Variants in SPATS2L observed in about 807,000 individuals in gnomAD.
The protein encoded by SPATS2L is SPATS2-like protein.
SPATS2L carries 30 observed loss-of-function variants against 59.6 expected under a neutral mutation model. The observed-to-expected ratio is 0.50, with a 90% CI of 0.38 to 0.68. The LOEUF (loss-of-function observed/expected upper bound fraction) is 0.68, where lower values mean the gene tolerates loss of function less well. Among genes scored for constraint, SPATS2L ranks in the 30% least tolerant of loss-of-function variants. The pLI is 0.00. For missense variants in SPATS2L, 615 were observed against 700.0 expected, an observed-to-expected ratio of 0.88 and a Z score of 1.37; for synonymous variants, 252 against 263.5, an observed-to-expected ratio of 0.96 and a Z score of 0.42.
At chr2:200,383,135 G>T (rs2081879411) in intron 2 of SPATS2L, among the ~76,000 whole-genome samples, 2 of 152,122 alleles carry the variant, frequency 1.3e-5, no homozygotes, top group African/African-American at 2.4e-5. Flanking sequence ...CAGAGTATTT[G>T]CATCTTTAAC....
chr2:200,441,723 C>G (rs995528755), intron 8 of SPATS2L, among the ~76,000 whole-genome samples: 3 of 152,132 alleles, frequency 2.0e-5, no homozygotes, highest in Non-Finnish European at 4.4e-5. Flanking sequence ...CTCTGATGAT[C>G]TGAGAGAGGG....
At chr2:200,448,046 G>A (rs2085169126) in intron 8 of SPATS2L, among the ~76,000 whole-genome samples, 1 of 152,200 alleles carries the variant, frequency 6.6e-6, no homozygotes, top group East Asian at 1.9e-4. Context: ...TCAGGAGGCT[G>A]AGGTGGGAGG....
intron 3 of SPATS2L, among the ~76,000 whole-genome samples, chr2:200,394,759 A>T (rs2082280467): frequency 6.6e-6 from 1 of 152,160 alleles, no homozygotes; most frequent in South Asian, 2.1e-4. Flanking sequence ...CATATTTTAA[A>T]TTGCTTCTAA....
intron 11 of SPATS2L, among the ~76,000 whole-genome samples, chr2:200,470,409 C>T (rs1291238355): frequency 2.6e-5 from 4 of 152,206 alleles, no homozygotes; most frequent in African/African-American, 9.6e-5. Context: ...TTGTGCAGGG[C>T]CCAGCTGTTA....
chr2:200,455,137 G>A (rs557402604), intron 8 of SPATS2L, among the ~76,000 whole-genome samples: 270 of 152,282 alleles, frequency 1.8e-3, no homozygotes, highest in African/African-American at 6.2e-3. Flanking sequence ...GCACCACAAT[G>A]TACTAGTAAG....
intron 1 of SPATS2L, among the ~76,000 whole-genome samples, chr2:200,326,152 G>T (rs1316043246): frequency 6.6e-6 from 1 of 152,058 alleles, no homozygotes. Context: ...TTAGAGATGG[G>T]GTCTTGGGCT....
intron 3 of SPATS2L, among the ~76,000 whole-genome samples, chr2:200,402,784 AT>A (rs2082568927): frequency 6.6e-6 from 1 of 152,232 alleles, no homozygotes; most frequent in Admixed American, 6.5e-5. Flanking sequence ...GGAAGTTTTT[AT>A]GGTAATACTC....
chr2:200,412,802 A>G (rs1446626624), intron 4 of SPATS2L, among the ~76,000 whole-genome samples: 1 of 152,166 alleles, frequency 6.6e-6, no homozygotes, highest in Non-Finnish European at 1.5e-5. Flanking sequence ...CTGTAGTCCC[A>G]GCACTTCGGA....
chr2:200,447,872 A>G (rs1309183901), intron 8 of SPATS2L, among the ~76,000 whole-genome samples: 1 of 152,256 alleles, frequency 6.6e-6, no homozygotes, highest in African/African-American at 2.4e-5. Context: ...ATTATCAGGA[A>G]TGTGTTAAAC....
chr2:200,350,655 C>G (rs1275955151), intron 2 of SPATS2L, among the ~76,000 whole-genome samples: 1 of 152,136 alleles, frequency 6.6e-6, no homozygotes, highest in African/African-American at 2.4e-5. Flanking sequence ...TCCCAAGTAG[C>G]TGGGACTACA....
At chr2:200,420,669 A>C (rs1253878349) in intron 6 of SPATS2L, among the ~76,000 whole-genome samples, 1 of 152,212 alleles carries the variant, frequency 6.6e-6, no homozygotes, top group African/African-American at 2.4e-5. Context: ...ATAAAGTACC[A>C]TCTTCCTTTA....
intron 9 of SPATS2L, among the ~76,000 whole-genome samples, chr2:200,465,377 C>T (rs1160383644): frequency 6.6e-6 from 1 of 152,204 alleles, no homozygotes; most frequent in African/African-American, 2.4e-5. Context: ...AATTTGTAAA[C>T]GTAATGTGTG....
intron 8 of SPATS2L, among the ~76,000 whole-genome samples, chr2:200,451,879 T>G (rs1259029816): frequency 3.3e-5 from 5 of 151,894 alleles, no homozygotes; most frequent in Non-Finnish European, 7.4e-5. Context: ...AGTGATTGGC[T>G]CTATTTTGTG....
intron 1 of SPATS2L, among the ~76,000 whole-genome samples, chr2:200,312,920 C>T (rs773587624): frequency 2.6e-5 from 4 of 152,224 alleles, no homozygotes; most frequent in Non-Finnish European, 5.9e-5. Context: ...ATACAGTCAT[C>T]ATCATCATAG....
intron 9 of SPATS2L, among the ~76,000 whole-genome samples, chr2:200,462,864 T>C (rs184219848): frequency 7.9e-5 from 12 of 152,212 alleles, no homozygotes; most frequent in Middle Eastern, 3.4e-3. Flanking sequence ...AGTTTAAGGA[T>C]GCAGCAAGCC....
intron 1 of SPATS2L, among the ~76,000 whole-genome samples, chr2:200,311,632 C>G (rs2079194808): frequency 6.6e-6 from 1 of 152,152 alleles, no homozygotes; most frequent in African/African-American, 2.4e-5. Flanking sequence ...CATCTGGGCA[C>G]CCATCTGAGG....
chr2:200,357,830 C>T lies in SPATS2L; in HGVS notation c.-23+28350C>T, dbSNP rs997161345. 2.6e-5 allele frequency among the ~76,000 whole-genome samples: 4 copies of T among 152,080 alleles called. No homozygotes were observed. The East Asian group carries it at 5.8e-4, about 22-fold the overall frequency. On this transcript the variant is annotated intron_variant, in intron 2 of 12. Transcript: ENST00000409140. ...ATTTTTGAGCATCAGTATATGTACG[C>T]GAGCAATACATGTCTCAAAGTGCAT...
chr2:200,466,164 T>C (rs2086588053), intron 9 of SPATS2L, among the ~76,000 whole-genome samples: 1 of 152,266 alleles, frequency 6.6e-6, no homozygotes, highest in Non-Finnish European at 1.5e-5. Flanking sequence ...TTTTGAGTAA[T>C]AAGAACTCTT....
chr2:200,445,064 A>G (rs2084943995), intron 8 of SPATS2L, among the ~76,000 whole-genome samples: 1 of 152,146 alleles, frequency 6.6e-6, no homozygotes, highest in African/African-American at 2.4e-5. Context: ...GCAAGGTGGA[A>G]CACACCTGTA....
Sources: allele counts gnomAD v4.1 joint callset (sites outside exome capture counted in the v4.1 genomes callset), GRCh38; gene constraint gnomAD v4.1.1; transcripts MANE v1.5; gene names NCBI Gene and HGNC (gene_info 2026-07-23, HGNC 2026-07-21).